Variants in SLC35F3 observed in about 807,000 individuals in gnomAD.
SLC35F3 encodes solute carrier family 35 member F3.
A neutral mutation model predicts 49.9 loss-of-function variants in SLC35F3; 25 were observed. That is an observed-to-expected ratio of 0.50 (90% CI 0.37 to 0.70). The LOEUF (loss-of-function observed/expected upper bound fraction) is 0.70. Among genes scored for constraint, SLC35F3 ranks in the 30% least tolerant of loss-of-function variants. SLC35F3 has a pLI of 0.00. For synonymous variants in SLC35F3, 275 were observed against 265.4 expected, an observed-to-expected ratio of 1.04 and a Z score of -0.35; for missense variants, 525 against 639.8, an observed-to-expected ratio of 0.82 and a Z score of 1.94.
intron 4 of SLC35F3, among the ~76,000 whole-genome samples, chr1:234,315,689 G>A (rs187982400): frequency 5.3e-4 from 80 of 152,304 alleles, no homozygotes; most frequent in Admixed American, 1.4e-3. Context: ...TCATAAGAGG[G>A]ATAAAATTCT....
intron 3 of SLC35F3, among the ~76,000 whole-genome samples, chr1:234,239,355 C>T (rs1667519478): frequency 6.6e-6 from 1 of 152,178 alleles, no homozygotes; most frequent in Admixed American, 6.5e-5. Flanking sequence ...TCAGGCACCA[C>T]CCCATCCTAT....
At chr1:234,037,358 C>T (rs1309300662) in intron 2 of SLC35F3, among the ~76,000 whole-genome samples, 1 of 152,158 alleles carries the variant, frequency 6.6e-6, no homozygotes, top group East Asian at 1.9e-4. Flanking sequence ...CCGAGAATGG[C>T]ACAAAGCTAT....
At chr1:234,029,443 G>T (rs1292538278) in intron 2 of SLC35F3, among the ~76,000 whole-genome samples, 1 of 152,200 alleles carries the variant, frequency 6.6e-6, no homozygotes, top group Non-Finnish European at 1.5e-5. Context: ...GCATTTGGAT[G>T]TGGCAGGTGG....
chr1:233,964,805 T>A (rs1024185500), intron 2 of SLC35F3, among the ~76,000 whole-genome samples: 8 of 152,194 alleles, frequency 5.3e-5, no homozygotes, highest in Non-Finnish European at 1.0e-4. Flanking sequence ...CCATCCTGGG[T>A]GTTATCATTG....
chr1:234,227,675 G>T (rs1440648387), intron 2 of SLC35F3, among the ~76,000 whole-genome samples: 2 of 152,108 alleles, frequency 1.3e-5, no homozygotes, highest in Non-Finnish European at 2.9e-5. Context: ...TGGGATTACA[G>T]GCGTGAGCCA....
intron 7 of SLC35F3, among the ~76,000 whole-genome samples, chr1:234,322,652 T>C (rs1219185547): frequency 3.7e-5 from 2 of 53,490 alleles, no homozygotes; most frequent in Non-Finnish European, 6.8e-5. Flanking sequence ...GTCAAATGCG[T>C]GTGTGTGTGT....
At position 233,954,846 on chromosome 1, in the gene SLC35F3, A is replaced by AT. The variant is rs532378311; in HGVS notation, c.283+49096dup. 2.3e-3 allele frequency among the ~76,000 whole-genome samples: 348 copies of AT among 151,900 alleles called. 1 individual carries two copies. Among genetic ancestry groups the AT allele is most frequent in the Non-Finnish European group, 2.9e-3 (196 of 67,920 alleles). On this transcript the variant is annotated intron_variant, in intron 2 of 7. Coordinates refer to ENST00000366618, the MANE Select transcript of SLC35F3 (RefSeq NM_173508.4). The stretch of plus-strand genomic sequence containing the variant: ...TGGGACAAGGAATCCCCAGTCTTCA[A>AT]TTTTTTTTCTTTTTTGAGATGGAGT...
chr1:234,166,277 G>T (rs189710621), intron 2 of SLC35F3, among the ~76,000 whole-genome samples: 1 of 151,968 alleles, frequency 6.6e-6, no homozygotes, highest in African/African-American at 2.4e-5. Context: ...CCACCAGAGC[G>T]GTCCATTTGT....
rs12061051 is a variant in SLC35F3 at position 234,251,374 on chromosome 1, T to A, written c.608+19633T>A. ...TTTCAATTAGGAGATCATTTGAGTT[T>A]GACCCTTTCGCCCGATAGGGTAATG... On this transcript the variant is annotated intron_variant, in intron 3 of 7. Coordinates refer to ENST00000366618, the MANE Select transcript of SLC35F3 (RefSeq NM_173508.4). Among the ~76,000 whole-genome samples, 1,009 of 151,890 alleles carry A rather than the reference T, an allele frequency of 6.6e-3. 9 individuals carry two copies. The highest frequency in any genetic ancestry group is 0.023 in the African/African-American group (950 of 41,388).
chr1:234,321,083 TGTG>T (rs1572152486), intron 7 of SLC35F3, among the ~76,000 whole-genome samples: 4 of 141,030 alleles, frequency 2.8e-5, no homozygotes, highest in African/African-American at 1.0e-4. Flanking sequence ...TCCTGTTCAA[TGTG>T]GTGGTGACTA....
chr1:233,969,302 G>A (rs1662954282), intron 2 of SLC35F3, among the ~76,000 whole-genome samples: 1 of 152,210 alleles, frequency 6.6e-6, no homozygotes, highest in African/African-American at 2.4e-5. Flanking sequence ...AGAGAGTTCT[G>A]TGCAGTGGCC....
intron 2 of SLC35F3, among the ~76,000 whole-genome samples, chr1:234,098,010 G>A (rs370461077): frequency 0.036 from 5,381 of 151,496 alleles, 138 homozygotes; most frequent in Non-Finnish European, 0.056. Flanking sequence ...GTGTTATAGG[G>A]TGATGATGGA....
chr1:234,152,230 A>T (rs928003460), intron 2 of SLC35F3, among the ~76,000 whole-genome samples: 1 of 148,172 alleles, frequency 6.7e-6, no homozygotes, highest in Non-Finnish European at 1.5e-5. Flanking sequence ...TATTATTGTT[A>T]TTATTATTAT....
At chr1:234,105,671 T>C (rs1158487852) in intron 2 of SLC35F3, among the ~76,000 whole-genome samples, 3 of 152,180 alleles carry the variant, frequency 2.0e-5, no homozygotes, top group Admixed American at 2.0e-4. Flanking sequence ...TTGTCTCTTT[T>C]CCAAAGGAAA....
At chr1:234,142,669 A>C (rs1236701221) in intron 2 of SLC35F3, among the ~76,000 whole-genome samples, 1 of 151,296 alleles carries the variant, frequency 6.6e-6, no homozygotes, top group African/African-American at 2.4e-5. Context: ...CAAAAAAAAA[A>C]CGCATGATGT....
intron 2 of SLC35F3, among the ~76,000 whole-genome samples, chr1:234,044,529 C>A (rs1664263678): frequency 6.6e-6 from 1 of 152,160 alleles, no homozygotes; most frequent in Non-Finnish European, 1.5e-5. Flanking sequence ...AATTGCTGTG[C>A]AGAGTAGCCT....
At chr1:234,040,221 G>A (rs906617369) in intron 2 of SLC35F3, among the ~76,000 whole-genome samples, 3 of 152,088 alleles carry the variant, frequency 2.0e-5, no homozygotes, top group Non-Finnish European at 4.4e-5. Context: ...GCCTCTCTCC[G>A]ATGTCCAGCC....
intron 5 of SLC35F3, 28 bp from the exon 6 acceptor site, chr1:234,318,723 C>A (rs1482994792): frequency 2.5e-6 from 4 of 1,604,940 alleles, no homozygotes; most frequent in Non-Finnish European, 2.6e-6. Flanking sequence ...TGAGCCTTCA[C>A]CCCGTCCTCC....
intron 2 of SLC35F3, among the ~76,000 whole-genome samples, chr1:234,227,236 G>A (rs1006519669): frequency 2.0e-5 from 3 of 152,170 alleles, no homozygotes; most frequent in Non-Finnish European, 4.4e-5. Flanking sequence ...ATCATAAACA[G>A]AGGGATTGTT....
Sources: gnomAD v4.1 joint callset for allele counts (sites outside exome capture counted in the v4.1 genomes callset) on GRCh38, gnomAD v4.1.1 for gene constraint, MANE v1.5 for transcripts, NCBI Gene and HGNC (gene_info 2026-07-23, HGNC 2026-07-21) for gene names.